MYT1L: variants seen among roughly 807,000 people sequenced by gnomAD.
MYT1L encodes myelin transcription factor 1-like protein.
MYT1L carries 12 observed loss-of-function variants against 126.7 expected under a neutral mutation model. That is an observed-to-expected ratio of 0.09 (90% confidence interval 0.06 to 0.15). The LOEUF is 0.15. Ranked by LOEUF, MYT1L falls within the 10% of genes least tolerant of loss-of-function variation. The probability of loss-of-function intolerance (pLI) is 1.00; values close to 1 mark genes in which losing one functional copy is unlikely to be tolerated. For missense variants in MYT1L, 979 were observed against 1,585.2 expected, an observed-to-expected ratio of 0.62 and a Z score of 6.49; for synonymous variants, 541 against 604.2, an observed-to-expected ratio of 0.90 and a Z score of 1.53.
At chr2:1,800,881 G>A (rs1295708562) in intron 23 of MYT1L, among the ~76,000 whole-genome samples, 1 of 151,944 alleles carries the variant, frequency 6.6e-6, no homozygotes, top group Non-Finnish European at 1.5e-5. Flanking sequence ...GTGGCCTGCT[G>A]GGGAGGGGCC....
chr2:1,873,053 GC>G (rs1416045762), intron 18 of MYT1L, among the ~76,000 whole-genome samples: 1 of 152,180 alleles, frequency 6.6e-6, no homozygotes, highest in African/African-American at 2.4e-5. Flanking sequence ...TCCTGCCTTG[GC>G]CTTTGCAGAG....
chr2:2,274,362 AGGAG>A (rs1316199893), intron 2 of MYT1L, among the ~76,000 whole-genome samples: 6 of 147,624 alleles, frequency 4.1e-5, no homozygotes, highest in Admixed American at 3.4e-4. Flanking sequence ...AGAGAAGGGA[AGGAG>A]GGAGGGAGGG....
At chr2:2,286,824 C>T (rs2095527630) in intron 1 of MYT1L, among the ~76,000 whole-genome samples, 1 of 152,162 alleles carries the variant, frequency 6.6e-6, no homozygotes. Context: ...ACTTGAAAGG[C>T]CACCTGCAGA....
At chr2:2,127,982 T>C (rs989409332) in intron 3 of MYT1L, among the ~76,000 whole-genome samples, 12 of 152,228 alleles carry the variant, frequency 7.9e-5, no homozygotes, top group African/African-American at 2.9e-4. Context: ...CTAACAGATT[T>C]GCTGTGATCA....
chr2:2,069,656 C>T (rs971954333), intron 3 of MYT1L, among the ~76,000 whole-genome samples: 3 of 151,998 alleles, frequency 2.0e-5, no homozygotes, highest in Non-Finnish European at 2.9e-5. Context: ...CACTGTCTTC[C>T]ATAATGGTTG....
At chr2:2,257,144 C>T (rs1248562149) in intron 2 of MYT1L, among the ~76,000 whole-genome samples, 1 of 152,144 alleles carries the variant, frequency 6.6e-6, no homozygotes, top group Non-Finnish European at 1.5e-5. Flanking sequence ...GCTCCTGTGG[C>T]TGATCAGGGC....
chr2:2,245,328 A>T (rs2094514008), intron 2 of MYT1L, among the ~76,000 whole-genome samples: 1 of 151,670 alleles, frequency 6.6e-6, no homozygotes, highest in South Asian at 2.1e-4. Context: ...AGAGTCCTGG[A>T]GAAGGAGGTA....
At chr2:2,239,504 T>A (rs56353828) in intron 2 of MYT1L, among the ~76,000 whole-genome samples, 1 of 152,342 alleles carries the variant, frequency 6.6e-6, no homozygotes, top group African/African-American at 2.4e-5. Flanking sequence ...ACTGGTTACT[T>A]ATAGGTGAGC....
chr2:2,019,062 A>G (rs1004454229), intron 4 of MYT1L, among the ~76,000 whole-genome samples: 3 of 152,104 alleles, frequency 2.0e-5, no homozygotes, highest in Non-Finnish European at 4.4e-5. Flanking sequence ...TCACAAAAAG[A>G]AATTAATTTG....
chr2:1,960,650 A>T (rs1280857911), intron 8 of MYT1L, among the ~76,000 whole-genome samples: 2 of 152,192 alleles, frequency 1.3e-5, no homozygotes, highest in Middle Eastern at 3.4e-3. Flanking sequence ...CCTGCAGCTC[A>T]GGAGGCTTCT....
At chr2:1,872,724 T>C (rs1290569510) in intron 18 of MYT1L, among the ~76,000 whole-genome samples, 2 of 152,246 alleles carry the variant, frequency 1.3e-5, no homozygotes, top group African/African-American at 2.4e-5. Context: ...CCACAGAGTC[T>C]CAAAACTCCA....
At chr2:1,828,601 G>A (rs959453153) in intron 21 of MYT1L, 1 of 152,194 alleles carries the variant, frequency 6.6e-6, no homozygotes, top group African/African-American at 2.4e-5. Flanking sequence ...TTTGAAGTGT[G>A]TTTGTCATGG....
intron 21 of MYT1L, among the ~76,000 whole-genome samples, chr2:1,823,575 C>T (rs578220921): frequency 1.3e-5 from 2 of 152,010 alleles, no homozygotes; most frequent in Non-Finnish European, 2.9e-5. Context: ...GAAGCAGTGA[C>T]GAGGCTGGGT....
chr2:2,113,076 T>C (rs1225256699), intron 3 of MYT1L, among the ~76,000 whole-genome samples: 2 of 152,192 alleles, frequency 1.3e-5, no homozygotes. Flanking sequence ...CCCTGCCAGC[T>C]TCACTGTCTC....
intron 2 of MYT1L, among the ~76,000 whole-genome samples, chr2:2,253,308 G>T (rs1256071364): frequency 6.6e-6 from 1 of 152,226 alleles, no homozygotes; most frequent in South Asian, 2.1e-4. Context: ...TCCACACAGT[G>T]ACTTCGCCTT....
At chr2:1,853,670 T>A (rs1001840033) in intron 18 of MYT1L, among the ~76,000 whole-genome samples, 3 of 152,220 alleles carry the variant, frequency 2.0e-5, no homozygotes, top group Non-Finnish European at 4.4e-5. Flanking sequence ...TTGGTATTAC[T>A]TTTTGCTTAA....
intron 4 of MYT1L, among the ~76,000 whole-genome samples, chr2:2,042,067 C>A (rs1385933377): frequency 6.6e-6 from 1 of 152,098 alleles, no homozygotes; most frequent in Admixed American, 6.5e-5. Context: ...TGTTTAAAGC[C>A]AGAGACATTC....
chr2:2,315,599 C>T (rs1343133307), intron 1 of MYT1L, among the ~76,000 whole-genome samples: 1 of 152,060 alleles, frequency 6.6e-6, no homozygotes, highest in Non-Finnish European at 1.5e-5. Context: ...TTATTGTTTT[C>T]AGGGTGCCTT....
chr2:2,290,212 T>A (rs2095579524), intron 1 of MYT1L, among the ~76,000 whole-genome samples: 1 of 152,030 alleles, frequency 6.6e-6, no homozygotes, highest in South Asian at 2.1e-4. Flanking sequence ...TATCTGAGAG[T>A]CCCATGGTCA....
Sources: gnomAD v4.1 joint callset for allele counts (sites outside exome capture counted in the v4.1 genomes callset) on GRCh38, gnomAD v4.1.1 for gene constraint, MANE v1.5 for transcripts, NCBI Gene and HGNC (gene_info 2026-07-23, HGNC 2026-07-21) for gene names.